PRAMEF12: variants seen among roughly 807,000 people sequenced by gnomAD.
The protein encoded by PRAMEF12 is PRAME family member 12.
PRAMEF12 carries 24 observed loss-of-function variants against 24.6 expected under a neutral mutation model. The observed-to-expected ratio is 0.98, with a 90% confidence interval of 0.71 to 1.37. The LOEUF is 1.37. PRAMEF12 is among the 40% of genes most tolerant of loss of function. The pLI is 0.00. For missense variants in PRAMEF12, 646 were observed against 580.3 expected, an observed-to-expected ratio of 1.11 and a Z score of -1.16; for synonymous variants, 286 against 242.6, an observed-to-expected ratio of 1.18 and a Z score of -1.66.
rs761506783 is a variant in PRAMEF12, at chr1:12,776,114, C to A, written c.859C>A (p.Leu287Ile). The A allele has an allele frequency of 6.2e-7, 1 of 1,613,480 alleles. No individual in the cohort carries two copies. Among genetic ancestry groups the A allele is most frequent in the South Asian group, 1.1e-5 (1 of 91,052 alleles). ...CCTCGAAGGCCACCTGGACCAGCTG[C>A]TCAGGTGAGGAAGTATGGTGAGCTT... ...SFLEGHLDQL[L>I]RCLQAPLETV... is the part of the protein sequence containing the mutation. The change falls in exon 2 of 3, where the codon CTC becomes ATC. Residue 287 changes from leucine to isoleucine, a missense_variant. Leu to Ile is a conservative substitution (Grantham distance 5). Coordinates refer to ENST00000357726, the MANE Select transcript of PRAMEF12 (RefSeq NM_001080830.5).
In PRAMEF12 at chr1:12,777,344, C is replaced by T. The variant is rs1557589761; in HGVS notation, c.1197C>T (p.His399=). ...CCGCCCTGGAGAACCTGCTGCGCCA[C>T]ACCGTCGGGCTGAGCAAGCTAAGCC... ...SMAALENLLR[H]TVGLSKLSLE... Residue 399 remains histidine (H), a synonymous_variant, in exon 3 of 3, where the codon CAC becomes CAT. Transcript: ENST00000357726. 1 of 1,613,562 alleles carries T rather than the reference C, an allele frequency of 6.2e-7. No individual in the cohort carries two copies. Among genetic ancestry groups the T allele is most frequent in the Non-Finnish European group, 8.5e-7 (1 of 1,179,880 alleles).
Position 12,774,758 on chromosome 1 carries a change from T to A in PRAMEF12, c.-110T>A. 1.9e-6 allele frequency: 2 copies of A among 1,066,610 alleles called. No homozygotes were observed. Among genetic ancestry groups the A allele is most frequent in the Non-Finnish European group, 2.7e-6 (2 of 737,284 alleles). 66.1% of individuals were successfully genotyped at this position (1,066,610 alleles called of 1,614,324 possible). A position where few individuals can be genotyped will look rare whatever the true frequency, so the allele number is the denominator to read the frequency against. ...CAGAAAGTGCAGAGTGGAATTGGGG[T>A]GAACTAATTACCTTTCCACCTCTAC... is the stretch of plus-strand genomic sequence containing the variant. On this transcript the variant is annotated 5_prime_UTR_variant, in exon 1 of 3. The change abolishes the stop of an existing upstream ORF in the 5' untranslated region. Transcript: ENST00000357726.
Position 12,774,746 on chromosome 1 carries a change from G to A in PRAMEF12, c.-122G>A, listed in dbSNP as rs1639021976. 1 of 920,848 alleles carries A rather than the reference G, an allele frequency of 1.1e-6. No individual in the cohort carries two copies. The highest frequency in any genetic ancestry group is 1.6e-6 in the Non-Finnish European group (1 of 610,576). 57.0% of individuals were successfully genotyped at this position (920,848 alleles called of 1,614,324 possible). ...CAGATTTGTGTCCAGAAAGTGCAGA[G>A]TGGAATTGGGGTGAACTAATTACCT... On this transcript the variant is annotated 5_prime_UTR_variant, in exon 1 of 3. In the 5' UTR this introduces an upstream ATG that the reference lacks. Coordinates refer to ENST00000357726, the MANE Select transcript of PRAMEF12 (RefSeq NM_001080830.5).
Position 12,775,109 on chromosome 1 carries a change from T to C in PRAMEF12, c.242T>C (p.Val81Ala), listed in dbSNP as rs1639028343. Residue 81 changes from valine to alanine, a missense_variant, in exon 1 of 3, where the codon GTG (valine) becomes GCG (alanine). Physicochemically the swap from Val to Ala is moderately conservative, Grantham distance 64. Coordinates refer to ENST00000357726, the MANE Select transcript of PRAMEF12 (RefSeq NM_001080830.5). ...TGTAATCTAGAGATCTTTCGAGCTG[T>C]GCTGGAGGGGCTTGATGCACTGCTT... The part of the protein sequence containing the change: ...KSCNLEIFRA[V>A]LEGLDALLAQ... 1.9e-6 allele frequency: 3 copies of C among 1,613,898 alleles called. No individual in the cohort carries two copies. Among genetic ancestry groups the C allele is most frequent in the Non-Finnish European group, 1.7e-6 (2 of 1,179,924 alleles).
rs1372311707 is a variant in PRAMEF12 at position 12,777,637 on chromosome 1, C to T, written c.*38C>T. 1.2e-6 allele frequency: 2 copies of T among 1,608,478 alleles called. No individual in the cohort carries two copies. The highest frequency in any genetic ancestry group is 3.3e-5 in the Admixed American group (2 of 59,904). On this transcript the variant is annotated 3_prime_UTR_variant, in exon 3 of 3. Transcript: ENST00000357726. The stretch of plus-strand genomic sequence containing the variant: ...GTCATTTGGCAACTGAATCCTAGGC[C>T]ATGAGTGTATGTCAAAGGGAGCACA...
downstream of PRAMEF12, chr1:12,777,906 ACTGT>A (rs1450401415): frequency 1.1e-5 from 4 of 376,550 alleles, no homozygotes; most frequent in Non-Finnish European, 1.4e-5. Context: ...CTGAGTGGAA[ACTGT>A]CTGGTGTCCT....
chr1:12,774,247 A>G lies in PRAMEF12; in HGVS notation c.-621A>G, dbSNP rs902648230. On this transcript the variant is annotated 5_prime_UTR_variant, in exon 1 of 3. Coordinates refer to ENST00000357726, the MANE Select transcript of PRAMEF12 (RefSeq NM_001080830.5). ...GTGGAGTCTTTGTTCTGAACATGGGACCCATTTTTTTCCCCTAGATTCCAT... is the reference window on the plus strand; with the variant it reads ...GTGGAGTCTTTGTTCTGAACATGGGGCCCATTTTTTTCCCCTAGATTCCAT... Among the ~76,000 whole-genome samples the G allele has an allele frequency of 3.3e-5, 5 of 152,014 alleles. No homozygotes were observed. The highest frequency in any genetic ancestry group is 7.2e-5 in the African/African-American group (3 of 41,388).
At chr1:12,776,926 AC>A in intron 2 of PRAMEF12, 84 bp from the exon 3 acceptor site, 1 of 1,375,426 alleles carries the variant, frequency 7.3e-7, no homozygotes, top group Non-Finnish European at 1.0e-6. Context: ...GATAAGCAGA[AC>A]AGCCTTGGGT....
rs760476297 is a variant in PRAMEF12, at chr1:12,775,915, A to T, written c.660A>T (p.Ile220=). Residue 220 remains isoleucine (I), a synonymous_variant, in exon 2 of 3, where the codon ATA becomes ATT. Coordinates refer to ENST00000357726, the MANE Select transcript of PRAMEF12 (RefSeq NM_001080830.5). The part of the protein sequence containing the change: ...VCCPWELSIL[I]RFAPYLGQMR... ...GCCCGTGGGAGCTGTCCATTCTTAT[A>T]AGGTTCGCCCCTTACCTGGGCCAGA... 1.2e-6 allele frequency: 2 copies of T among 1,613,894 alleles called. No homozygotes were observed. Among genetic ancestry groups the T allele is most frequent in the Non-Finnish European group, 1.7e-6 (2 of 1,179,994 alleles).
At chr1:12,776,657 A>G (rs1639055695) in intron 2 of PRAMEF12, among the ~76,000 whole-genome samples, 1 of 152,124 alleles carries the variant, frequency 6.6e-6, no homozygotes, top group Non-Finnish European at 1.5e-5. Flanking sequence ...TGATACGGGC[A>G]TGTCAGGGTC....
chr1:12,775,085 G>C lies in PRAMEF12; in HGVS notation c.218G>C (p.Cys73Ser). 3 of 1,614,192 alleles carry C rather than the reference G, an allele frequency of 1.9e-6. No individual in the cohort carries two copies. The South Asian group carries it at 3.3e-5, about 18-fold the overall frequency. Reference protein sequence around the residue: ...CLPLGSLMKSCNLEIFRAVLE... With the variant: ...CLPLGSLMKSSNLEIFRAVLE... ...CCTCTAGGGTCCCTGATGAAGTCAT[G>C]TAATCTAGAGATCTTTCGAGCTGTG... The change falls in exon 1 of 3, where the codon TGT becomes TCT. Residue 73 changes from cysteine to serine, a missense_variant. Cys to Ser is a moderately radical substitution (Grantham distance 112, BLOSUM62 -1). Coordinates refer to ENST00000357726, the MANE Select transcript of PRAMEF12 (RefSeq NM_001080830.5).
At position 12,777,277 on chromosome 1, in the gene PRAMEF12, A is replaced by G; in HGVS notation, c.1130A>G (p.Gln377Arg). Residue 377 changes from glutamine (Q) to arginine (R), a missense_variant, in exon 3 of 3, where the codon CAG becomes CGG. Physicochemically the swap from Gln to Arg is conservative, Grantham distance 43. Transcript: ENST00000357726. ...CTGCCTGCCCTGAGCCGCTGCTCCCAGCTCAGCACCTTCAGCTTCTGTGGG... is the reference window on the plus strand; with the variant it reads ...CTGCCTGCCCTGAGCCGCTGCTCCCGGCTCAGCACCTTCAGCTTCTGTGGG... Reference protein sequence around the residue: ...AILPALSRCSQLSTFSFCGNL... With the variant: ...AILPALSRCSRLSTFSFCGNL... 1 of 1,612,512 alleles carries G rather than the reference A, an allele frequency of 6.2e-7. No individual in the cohort carries two copies.
Position 12,776,000 on chromosome 1 carries a change from G to T in PRAMEF12, c.745G>T (p.Asp249Tyr). Residue 249 changes from aspartate (D) to tyrosine (Y), a missense_variant, in exon 2 of 3, where the codon GAC becomes TAC. By Grantham distance (160) the Asp-to-Tyr change is radical (BLOSUM62 -3). Transcript: ENST00000357726. The stretch of plus-strand genomic sequence containing the variant: ...CCATGTCTCTGCCTGCATTCCCCTA[G>T]ACAGGAAGGAGCAGTTTGTCATCCA... ...NIHVSACIPL[D>Y]RKEQFVIQFT... The T allele has an allele frequency of 1.2e-6, 2 of 1,614,112 alleles. No homozygotes were observed. Among genetic ancestry groups the T allele is most frequent in the Non-Finnish European group, 1.7e-6 (2 of 1,180,030 alleles).
Position 12,775,638 on chromosome 1 carries a change from G to A in PRAMEF12, c.383G>A (p.Ser128Asn). ...GASALSPEAL[S>N]KRRTAGNCPR... ...TCTGCACTCTCCCCAGAGGCCCTGAGTAAGAGACGAACAGCAGGGAACTGT... is the reference window on the plus strand; with the variant it reads ...TCTGCACTCTCCCCAGAGGCCCTGAATAAGAGACGAACAGCAGGGAACTGT... The change falls in exon 2 of 3, where the codon AGT (serine) becomes AAT (asparagine). Residue 128 changes from serine (S) to asparagine (N), a missense_variant. By Grantham distance (46) the Ser-to-Asn change is conservative. Coordinates refer to ENST00000357726, the MANE Select transcript of PRAMEF12 (RefSeq NM_001080830.5). 6.2e-7 allele frequency: 1 copy of A among 1,614,056 alleles called. No homozygotes were observed.
In PRAMEF12 at chr1:12,777,339, C is replaced by T. The variant is rs774046599; in HGVS notation, c.1192C>T (p.Arg398Cys). The T allele has an allele frequency of 1.6e-5, 26 of 1,613,372 alleles. No individual in the cohort carries two copies. Among genetic ancestry groups the T allele is most frequent in the African/African-American group, 1.1e-4 (8 of 75,006 alleles). The change falls in exon 3 of 3, where the codon CGC becomes TGC. Residue 398 changes from arginine to cysteine, a missense_variant. Coordinates refer to ENST00000357726, the MANE Select transcript of PRAMEF12 (RefSeq NM_001080830.5). ...ISMAALENLLRHTVGLSKLSL... is the reference protein window; with the variant it reads ...ISMAALENLLCHTVGLSKLSL... ...CATGGCCGCCCTGGAGAACCTGCTG[C>T]GCCACACCGTCGGGCTGAGCAAGCT...
rs1639021725 is a variant in PRAMEF12, at chr1:12,774,706, G to C, written c.-162G>C. On this transcript the variant is annotated 5_prime_UTR_variant, in exon 1 of 3. Transcript: ENST00000357726. ...TTGGAAGACATTCTTTATGGTACCAGCAAGGGCAGAATTACAGATTTGTGT... is the reference window on the plus strand; with the variant it reads ...TTGGAAGACATTCTTTATGGTACCACCAAGGGCAGAATTACAGATTTGTGT... 3 of 662,730 alleles carry C rather than the reference G, an allele frequency of 4.5e-6. No homozygotes were observed. In the Admixed American group the frequency reaches 9.0e-5, roughly 20 times the overall value. 41.1% of individuals were successfully genotyped at this position (662,730 alleles called of 1,614,324 possible).
Position 12,777,407 on chromosome 1 carries a change from C to T in PRAMEF12, c.1260C>T (p.Ala420=). ...LYPAPLESYD[A]QGALCWGRFS... ...CTGCCCCTCTGGAGAGTTATGATGC[C>T]CAGGGTGCTCTCTGCTGGGGAAGAT... The change falls in exon 3 of 3, where the codon GCC becomes GCT. Residue 420 remains alanine, a synonymous_variant. Coordinates refer to ENST00000357726, the MANE Select transcript of PRAMEF12 (RefSeq NM_001080830.5). 6.2e-7 allele frequency: 1 copy of T among 1,613,864 alleles called. No individual in the cohort carries two copies. Among genetic ancestry groups the T allele is most frequent in the Non-Finnish European group, 8.5e-7 (1 of 1,179,866 alleles).
At chr1:12,775,418 A>G (rs1639034024) in intron 1 of PRAMEF12, 125 bp from the exon 2 acceptor site, 1 of 1,079,138 alleles carries the variant, frequency 9.3e-7, no homozygotes, top group African/African-American at 1.6e-5. Context: ...TTCAAGGAGA[A>G]AGAGGGATGG....
intron 2 of PRAMEF12, 40 bp from the exon 3 acceptor site, chr1:12,776,971 C>T (rs780208944): frequency 1.3e-6 from 2 of 1,564,812 alleles, no homozygotes; most frequent in Non-Finnish European, 8.7e-7. Flanking sequence ...TTGAGGTCTT[C>T]CCCACCACTC....
Sources: allele counts gnomAD v4.1 joint callset (sites outside exome capture counted in the v4.1 genomes callset), GRCh38; gene constraint gnomAD v4.1.1; transcripts MANE v1.5; gene names NCBI Gene and HGNC (gene_info 2026-07-23, HGNC 2026-07-21).